Variants in SETD3 observed in about 807,000 individuals in gnomAD.
The protein encoded by SETD3 is actin-histidine N-methyltransferase.
In SETD3, 19 loss-of-function variants were observed where a neutral mutation model predicts 63.0. The ratio of observed to expected loss-of-function variants is 0.30; its 90% CI spans 0.21 to 0.44. SETD3 has a LOEUF of 0.44. SETD3 is among the 20% of genes least tolerant of loss of function. The pLI, the probability that SETD3 is intolerant of heterozygous loss-of-function variation, is 1.00. For synonymous variants in SETD3, 286 were observed against 264.1 expected, an observed-to-expected ratio of 1.08 and a Z score of -0.80; for missense variants, 587 against 728.5, an observed-to-expected ratio of 0.81 and a Z score of 2.24.
intron 6 of SETD3, among the ~76,000 whole-genome samples, chr14:99,421,747 A>G (rs1318693791): frequency 6.6e-6 from 1 of 152,194 alleles, no homozygotes; most frequent in Non-Finnish European, 1.5e-5. Context: ...TCTACAGATG[A>G]GGAAACTGAG....
rs80036476 is a variant in SETD3 at position 99,400,385 on chromosome 14, C to T, written c.1178-126G>A. The T allele has an allele frequency of 4.0e-3, 3,982 of 1,005,504 alleles. 108 individuals carry two copies. The African/African-American group carries it at 0.055, about 14-fold the overall frequency. 62.3% of individuals were successfully genotyped at this position (1,005,504 alleles called of 1,614,324 possible). On this transcript the variant is annotated intron_variant, in intron 11 of 12. Transcript: ENST00000331768. ...TTTCCCACGGTAAAAGCTGTCCCTA[C>T]GCAATGGGCCAGGCCACTCCTAGAC... is the stretch of plus-strand genomic sequence containing the variant.
chr14:99,472,363 G>C (rs1895748339), intron 1 of SETD3, among the ~76,000 whole-genome samples: 3 of 152,100 alleles, frequency 2.0e-5, no homozygotes, highest in Admixed American at 2.0e-4. Flanking sequence ...CCTTCTTTTA[G>C]CAATCAAAAA....
At chr14:99,446,205 C>T (rs941916873) in intron 6 of SETD3, among the ~76,000 whole-genome samples, 1 of 152,200 alleles carries the variant, frequency 6.6e-6, no homozygotes, top group African/African-American at 2.4e-5. Context: ...TAGGGAGCCT[C>T]TGTCAGGGCC....
intron 6 of SETD3, among the ~76,000 whole-genome samples, chr14:99,414,510 A>C (rs1183593429): frequency 2.0e-5 from 3 of 152,284 alleles, no homozygotes; most frequent in Non-Finnish European, 4.4e-5. Context: ...AATCAGGAGA[A>C]GTGCAGGTCT....
At chr14:99,448,785 C>T (rs1351866061) in intron 6 of SETD3, among the ~76,000 whole-genome samples, 1 of 152,108 alleles carries the variant, frequency 6.6e-6, no homozygotes, top group African/African-American at 2.4e-5. Context: ...ACGTTTGCTT[C>T]TAGGGAAACA....
chr14:99,425,260 G>A (rs760394708), intron 6 of SETD3, among the ~76,000 whole-genome samples: 36 of 152,202 alleles, frequency 2.4e-4, no homozygotes, highest in Non-Finnish European at 4.4e-4. Flanking sequence ...TCTTGCCAAA[G>A]TCAGAGGTTC....
intron 6 of SETD3, among the ~76,000 whole-genome samples, chr14:99,418,763 G>T (rs1892416220): frequency 6.6e-6 from 1 of 152,160 alleles, no homozygotes; most frequent in Admixed American, 6.5e-5. Context: ...CAGAGAGAGA[G>T]TAAGAAGATG....
intron 6 of SETD3, among the ~76,000 whole-genome samples, chr14:99,416,066 A>C (rs753882170): frequency 6.6e-6 from 1 of 152,188 alleles, no homozygotes; most frequent in Non-Finnish European, 1.5e-5. Flanking sequence ...AAACTATTAT[A>C]TAATAGTTTT....
chr14:99,414,304 C>T (rs113765604), intron 6 of SETD3, among the ~76,000 whole-genome samples: 159 of 152,360 alleles, frequency 1.0e-3, no homozygotes, highest in Middle Eastern at 6.8e-3. Flanking sequence ...ATCCTGGCCC[C>T]GCTCTGCACC....
intron 6 of SETD3, among the ~76,000 whole-genome samples, chr14:99,449,140 C>T (rs184774176): frequency 1.3e-5 from 2 of 152,312 alleles, no homozygotes; most frequent in Non-Finnish European, 2.9e-5. Flanking sequence ...AGGGACAGCT[C>T]TTCCTTTTAG....
At chr14:99,455,504 T>A (rs1410784836) in intron 6 of SETD3, among the ~76,000 whole-genome samples, 1 of 152,196 alleles carries the variant, frequency 6.6e-6, no homozygotes, top group African/African-American at 2.4e-5. Context: ...TAAATGCCAG[T>A]GACCAAAAAA....
At chr14:99,434,877 C>A (rs1327634405) in intron 6 of SETD3, among the ~76,000 whole-genome samples, 5,706 of 44,888 alleles carry the variant, frequency 0.13, 297 homozygotes, top group African/African-American at 0.29. Context: ...AAAAAAAAAA[C>A]AACCTACATT....
At chr14:99,431,125 T>C (rs1482488859) in intron 6 of SETD3, among the ~76,000 whole-genome samples, 1 of 152,258 alleles carries the variant, frequency 6.6e-6, no homozygotes, top group South Asian at 2.1e-4. Context: ...CCTCTTCACC[T>C]AACCACCTCA....
At chr14:99,480,302 G>A (rs1433040548) in intron 1 of SETD3, among the ~76,000 whole-genome samples, 7 of 152,066 alleles carry the variant, frequency 4.6e-5, no homozygotes, top group East Asian at 1.9e-4. Flanking sequence ...GAGCCGACTA[G>A]CGCGAGGGGC....
intron 7 of SETD3, 150 bp from the exon 8 acceptor site, chr14:99,413,215 A>T: frequency 1.7e-6 from 1 of 593,972 alleles, no homozygotes; most frequent in Non-Finnish European, 3.0e-6. Flanking sequence ...CTTCATCATC[A>T]TTTAAAAACA....
chr14:99,417,564 A>G (rs1365763276), intron 6 of SETD3, among the ~76,000 whole-genome samples: 1 of 152,248 alleles, frequency 6.6e-6, no homozygotes, highest in Admixed American at 6.5e-5. Context: ...CATGCACTTA[A>G]ACTAAACAAA....
chr14:99,436,878 C>T lies in SETD3; in HGVS notation c.675+21401G>A, dbSNP rs149990665. ...TTTTAGCAAGATTCCTGAGCACCTC[C>T]CTCCACTGCTTAAAACATTTCCACA... is the stretch of plus-strand genomic sequence containing the variant. On this transcript the variant is annotated intron_variant, in intron 6 of 12. Coordinates refer to ENST00000331768, the MANE Select transcript of SETD3 (RefSeq NM_032233.3). Among the ~76,000 whole-genome samples the T allele has an allele frequency of 5.3e-5, 8 of 152,298 alleles. No homozygotes were observed. In the East Asian group the frequency reaches 1.5e-3, roughly 29 times the overall value.
intron 9 of SETD3, among the ~76,000 whole-genome samples, 164 bp downstream of exon 9, chr14:99,406,352 T>C (rs1019095177): frequency 1.3e-5 from 2 of 152,218 alleles, no homozygotes; most frequent in Non-Finnish European, 2.9e-5. Flanking sequence ...AGTGAATATG[T>C]GTACTACGGG....
intron 1 of SETD3, among the ~76,000 whole-genome samples, chr14:99,470,060 C>CTCTA (rs1401180626): frequency 2.0e-5 from 3 of 152,228 alleles, no homozygotes; most frequent in East Asian, 3.8e-4. Context: ...AACTGCCTCA[C>CTCTA]TCTATTTTAC....
Sources: gnomAD v4.1 joint callset for allele counts (sites outside exome capture counted in the v4.1 genomes callset) on GRCh38, gnomAD v4.1.1 for gene constraint, MANE v1.5 for transcripts, NCBI Gene and HGNC (gene_info 2026-07-23, HGNC 2026-07-21) for gene names.